Variants in RGS6 observed in about 807,000 individuals in gnomAD.
The protein encoded by RGS6 is regulator of G protein signaling 6, also known as regulator of G-protein signaling 6.
Under a neutral mutation model 78.5 loss-of-function variants are expected in RGS6, and 30 were observed. The observed-to-expected ratio is 0.38, with a 90% CI of 0.29 to 0.52. The LOEUF (loss-of-function observed/expected upper bound fraction) is 0.52. RGS6 is among the 20% of genes least tolerant of loss of function. The probability of loss-of-function intolerance (pLI) is 0.85; values close to 1 mark genes in which losing one functional copy is unlikely to be tolerated. For missense variants in RGS6, 495 were observed against 609.7 expected, an observed-to-expected ratio of 0.81 and a Z score of 1.98; for synonymous variants, 206 against 206.0, an observed-to-expected ratio of 1.00 and a Z score of 0.00.
chr14:72,012,066 GAT>G (rs2085868811), intron 2 of RGS6, among the ~76,000 whole-genome samples: 1 of 152,090 alleles, frequency 6.6e-6, no homozygotes, highest in African/African-American at 2.4e-5. Flanking sequence ...CAACCAAAAA[GAT>G]ATGAAAACCA....
rs534940168 is a variant in RGS6, at chr14:72,014,799, G to A, written c.84+49924G>A. The stretch of plus-strand genomic sequence containing the variant: ...CCCTGTTTTTTCTTTGAAAGACAGT[G>A]TTTTAGATATTCCTAAACACCCCCC... On this transcript the variant is annotated intron_variant, in intron 2 of 17. Transcript: ENST00000553525. 6.6e-5 allele frequency among the ~76,000 whole-genome samples: 10 copies of A among 152,180 alleles called. No individual in the cohort carries two copies. In the East Asian group the frequency reaches 1.7e-3, roughly 26 times the overall value.
chr14:72,343,310 T>A (rs2077371791), intron 2 of RGS6, among the ~76,000 whole-genome samples: 1 of 152,166 alleles, frequency 6.6e-6, no homozygotes, highest in Non-Finnish European at 1.5e-5. Context: ...TTCCTTGGCT[T>A]GTGGCCCCTT....
chr14:72,546,053 G>A (rs2097396093), intron 17 of RGS6, among the ~76,000 whole-genome samples: 2 of 152,304 alleles, frequency 1.3e-5, no homozygotes, highest in South Asian at 4.1e-4. Context: ...GGGAATCTCA[G>A]CACACTCTGC....
At chr14:72,599,246 C>T in the RGS6 span, among the ~76,000 whole-genome samples, 4 of 152,280 alleles carry the variant, frequency 2.6e-5, no homozygotes, top group African/African-American at 9.6e-5. Context: ...GGGTGGGTGT[C>T]ATCAGCCCCT....
chr14:72,332,007 G>T (rs1315199380), intron 2 of RGS6, among the ~76,000 whole-genome samples: 1 of 152,146 alleles, frequency 6.6e-6, no homozygotes, highest in Non-Finnish European at 1.5e-5. Context: ...CATTAGACAG[G>T]GCTGTATTTA....
At chr14:71,880,922 C>T in the RGS6 span, among the ~76,000 whole-genome samples, 2 of 152,226 alleles carry the variant, frequency 1.3e-5, no homozygotes, top group African/African-American at 4.8e-5. Flanking sequence ...AAGCCATAGA[C>T]ACTCAATGCC....
chr14:71,874,999 G>T, the RGS6 span, among the ~76,000 whole-genome samples: 1,584 of 152,302 alleles, frequency 0.01, 59 homozygotes, highest in Admixed American at 0.076. Flanking sequence ...AAGCCCACTT[G>T]ATTGTGGTGG....
intron 2 of RGS6, among the ~76,000 whole-genome samples, chr14:72,046,711 A>G (rs543779327): frequency 1.3e-5 from 2 of 151,956 alleles, no homozygotes; most frequent in East Asian, 1.9e-4. Context: ...AAAGAGTTAT[A>G]TTAGCATTAG....
At chr14:72,590,014 G>A in the RGS6 span, among the ~76,000 whole-genome samples, 1,079 of 152,278 alleles carry the variant, frequency 7.1e-3, 9 homozygotes, top group Admixed American at 0.015. Context: ...AAGAAGATAG[G>A]CAAATGGCCA....
chr14:72,467,158 T>A (rs759786998), intron 7 of RGS6, among the ~76,000 whole-genome samples: 1 of 151,984 alleles, frequency 6.6e-6, no homozygotes, highest in Non-Finnish European at 1.5e-5. Flanking sequence ...GTTGCAAAAT[T>A]TTTCCCCCAA....
chr14:72,438,292 TTCTC>T (rs200186012), intron 3 of RGS6, among the ~76,000 whole-genome samples: 5 of 152,060 alleles, frequency 3.3e-5, no homozygotes, highest in African/African-American at 1.2e-4. Context: ...CGAGCCCCTC[TTCTC>T]TCTCTGCATT....
chr14:72,072,377 C>T (rs1196980326), intron 2 of RGS6, among the ~76,000 whole-genome samples: 1 of 151,338 alleles, frequency 6.6e-6, no homozygotes, highest in South Asian at 2.1e-4. Flanking sequence ...GGCGCAATCT[C>T]GGCTCACTGC....
the RGS6 span, among the ~76,000 whole-genome samples, chr14:71,890,795 T>C: frequency 1.3e-5 from 2 of 152,242 alleles, no homozygotes; most frequent in Non-Finnish European, 2.9e-5. Flanking sequence ...CTATTATTAG[T>C]GAAAAGGATT....
At chr14:72,388,044 T>C (rs779471616) in intron 3 of RGS6, among the ~76,000 whole-genome samples, 21 of 152,198 alleles carry the variant, frequency 1.4e-4, no homozygotes, top group South Asian at 6.2e-4. Context: ...GGACCCTATC[T>C]CTAAATCCAG....
intron 3 of RGS6, among the ~76,000 whole-genome samples, chr14:72,434,456 A>C (rs1420890723): frequency 1.3e-5 from 2 of 152,182 alleles, no homozygotes; most frequent in Non-Finnish European, 2.9e-5. Flanking sequence ...ATGCTTCCTG[A>C]AAATATATCT....
chr14:72,040,385 G>A (rs1268724316), intron 2 of RGS6, among the ~76,000 whole-genome samples: 1 of 150,294 alleles, frequency 6.7e-6, no homozygotes, highest in East Asian at 1.9e-4. Context: ...TTTGGCCATG[G>A]TATTTTGTGT....
chr14:72,064,418 T>C (rs1211416897), intron 2 of RGS6, among the ~76,000 whole-genome samples: 3 of 152,204 alleles, frequency 2.0e-5, no homozygotes, highest in African/African-American at 7.2e-5. Context: ...CATTTAAAAA[T>C]TACTTACTTT....
rs181174133 is a variant in RGS6 at position 72,097,700 on chromosome 14, T to C, written c.84+132825T>C. Among the ~76,000 whole-genome samples, 1,077 of 152,266 alleles carry C rather than the reference T, an allele frequency of 7.1e-3. 37 individuals are homozygous for C. Among genetic ancestry groups the C allele is most frequent in the Admixed American group, 0.062 (950 of 15,292 alleles). ...CCTCCCCCTCCTCTGCCGGGAAGAC[T>C]CCCACTTAGCCCAGATGCAGCCCAG... On this transcript the variant is annotated intron_variant, in intron 2 of 17. Coordinates refer to ENST00000553525, the MANE Select transcript of RGS6 (RefSeq NM_001204424.2).
At chr14:72,339,451 A>T (rs2076590632) in intron 2 of RGS6, among the ~76,000 whole-genome samples, 1 of 152,200 alleles carries the variant, frequency 6.6e-6, no homozygotes, top group Admixed American at 6.5e-5. Flanking sequence ...AGAACTAAAG[A>T]ACTAAAATGC....
Sources: allele counts gnomAD v4.1 joint callset (sites outside exome capture counted in the v4.1 genomes callset), GRCh38; gene constraint gnomAD v4.1.1; transcripts MANE v1.5; gene names NCBI Gene and HGNC (gene_info 2026-07-23, HGNC 2026-07-21).